MYO3B: variants seen among roughly 807,000 people sequenced by gnomAD.
The protein encoded by MYO3B is myosin-IIIb.
A neutral mutation model predicts 174.6 loss-of-function variants in MYO3B; 156 were observed. That is an observed-to-expected ratio of 0.89 (90% CI 0.78 to 1.02). The LOEUF is 1.02. MYO3B is among the 50% of genes least tolerant of loss of function. The pLI, the probability that MYO3B is intolerant of heterozygous loss-of-function variation, is 0.00. For missense variants in MYO3B, 1,632 were observed against 1,639.4 expected (o/e 1.00, Z 0.08); for synonymous variants, 563 against 569.1 (o/e 0.99, Z 0.15).
At chr2:170,329,863 T>G (rs2093899720) in intron 7 of MYO3B, among the ~76,000 whole-genome samples, 1 of 152,212 alleles carries the variant, frequency 6.6e-6, no homozygotes, top group African/African-American at 2.4e-5. Flanking sequence ...ACTATTCAAC[T>G]TTATTAATGG....
chr2:170,635,856 G>A (rs1213257305), intron 32 of MYO3B, among the ~76,000 whole-genome samples: 2 of 152,100 alleles, frequency 1.3e-5, no homozygotes, highest in African/African-American at 2.4e-5. Context: ...TGTAAACCAA[G>A]TTCGTAACCA....
intron 7 of MYO3B, among the ~76,000 whole-genome samples, chr2:170,262,366 T>C (rs1364986756): frequency 6.6e-6 from 1 of 152,110 alleles, no homozygotes; most frequent in East Asian, 1.9e-4. Context: ...TGCAGAGCCA[T>C]TGGGTGGGAC....
chr2:170,536,931 G>A (rs144925764), intron 30 of MYO3B, among the ~76,000 whole-genome samples: 3,108 of 152,168 alleles, frequency 0.02, 81 homozygotes, highest in East Asian at 0.088. Context: ...GCTGGGCGTG[G>A]TGGCTCACGC....
intron 1 of MYO3B, 25 bp from the exon 2 acceptor site, chr2:170,199,183 C>A (rs1332427554): frequency 1.1e-5 from 17 of 1,545,858 alleles, no homozygotes; most frequent in Non-Finnish European, 1.4e-5. Context: ...ATCTGTTGCA[C>A]ATAACAAATT....
At chr2:170,366,404 G>T (rs1299720886) in intron 8 of MYO3B, among the ~76,000 whole-genome samples, 1 of 151,946 alleles carries the variant, frequency 6.6e-6, no homozygotes, top group Non-Finnish European at 1.5e-5. Flanking sequence ...GGGCTCAAGT[G>T]ATCCTCCTGC....
intron 7 of MYO3B, among the ~76,000 whole-genome samples, chr2:170,259,978 A>G (rs2093333045): frequency 6.6e-6 from 1 of 152,118 alleles, no homozygotes; most frequent in South Asian, 2.1e-4. Flanking sequence ...AAAAAGCTCA[A>G]CACCACTAAT....
intron 1 of MYO3B, among the ~76,000 whole-genome samples, chr2:170,186,666 T>G (rs1472575404): frequency 6.6e-6 from 1 of 152,204 alleles, no homozygotes; most frequent in Non-Finnish European, 1.5e-5. Flanking sequence ...TCCCTCCTCC[T>G]CTATTTTTCA....
At chr2:170,234,357 A>G in intron 6 of MYO3B, among the ~76,000 whole-genome samples, 1 of 152,174 alleles carries the variant, frequency 6.6e-6, no homozygotes, top group Non-Finnish European at 1.5e-5. Context: ...GTGGGCCTTC[A>G]TACTATGTCC....
At chr2:170,453,808 C>A (rs922327181) in intron 23 of MYO3B, among the ~76,000 whole-genome samples, 1 of 152,202 alleles carries the variant, frequency 6.6e-6, no homozygotes, top group African/African-American at 2.4e-5. Context: ...TCATTCCACA[C>A]CCAGTATTGA....
chr2:170,299,186 A>G (rs2093648757), intron 7 of MYO3B, among the ~76,000 whole-genome samples: 2 of 152,192 alleles, frequency 1.3e-5, no homozygotes, highest in South Asian at 4.1e-4. Flanking sequence ...CTACTAGGAT[A>G]TGAGCTCACA....
At chr2:170,323,900 A>G (rs2105503182) in intron 7 of MYO3B, among the ~76,000 whole-genome samples, 1 of 152,344 alleles carries the variant, frequency 6.6e-6, no homozygotes, top group Non-Finnish European at 1.5e-5. Flanking sequence ...TAAAAGAGCC[A>G]GGGGGAGACC....
intron 8 of MYO3B, chr2:170,342,164 C>T (rs1230650961): frequency 6.6e-6 from 1 of 152,124 alleles, no homozygotes; most frequent in Admixed American, 6.5e-5. Flanking sequence ...TTGTGAGAAA[C>T]CAGATCTGTG....
intron 28 of MYO3B, among the ~76,000 whole-genome samples, chr2:170,508,625 C>T (rs1337937027): frequency 1.3e-5 from 2 of 152,214 alleles, no homozygotes; most frequent in African/African-American, 2.4e-5. Flanking sequence ...TCTTCAGAGC[C>T]TTCACTCAGT....
At chr2:170,499,539 CTTTA>C (rs749624797) in intron 26 of MYO3B, 103 bp from the exon 27 acceptor site, 34 of 887,872 alleles carry the variant, frequency 3.8e-5, no homozygotes, top group South Asian at 5.4e-5. Context: ...TCGCTATAAA[CTTTA>C]TTTATATCAT....
Position 170,387,233 on chromosome 2 carries a change from C to A in MYO3B, c.1502C>A (p.Thr501Lys). 1 of 1,614,102 alleles carries A rather than the reference C, an allele frequency of 6.2e-7. No homozygotes were observed. Among genetic ancestry groups the A allele is most frequent in the Non-Finnish European group, 8.5e-7 (1 of 1,179,978 alleles). The change falls in exon 14 of 35, where the codon ACA (threonine) becomes AAA (lysine). Residue 501 changes from threonine to lysine, a missense_variant. Coordinates refer to ENST00000408978, the MANE Select transcript of MYO3B (RefSeq NM_138995.5). ...GGAAAATATCTGGAAATGATGTTTACACCAACTGGAGTTGTGATGGGGGCA... is the reference window on the plus strand; with the variant it reads ...GGAAAATATCTGGAAATGATGTTTAAACCAACTGGAGTTGTGATGGGGGCA... ...RFGKYLEMMF[T>K]PTGVVMGARI...
intron 30 of MYO3B, among the ~76,000 whole-genome samples, chr2:170,528,315 T>C (rs1689129367): frequency 1.3e-5 from 2 of 152,268 alleles, no homozygotes; most frequent in African/African-American, 2.4e-5. Context: ...TAGGATGTGG[T>C]GGACTTCAGC....
intron 7 of MYO3B, among the ~76,000 whole-genome samples, chr2:170,239,204 T>C (rs2093104694): frequency 6.6e-6 from 1 of 152,248 alleles, no homozygotes; most frequent in Admixed American, 6.5e-5. Context: ...TACTGAGGAC[T>C]TCTTTAAAAT....
intron 32 of MYO3B, among the ~76,000 whole-genome samples, chr2:170,548,000 G>A (rs901120735): frequency 1.3e-5 from 2 of 150,076 alleles, no homozygotes; most frequent in East Asian, 4.0e-4. Flanking sequence ...CCAGCTACTC[G>A]GAAGACTGAG....
rs1026769602 is a variant in MYO3B, at chr2:170,436,846, T to C, written c.2651-7121T>C. 7.2e-5 allele frequency among the ~76,000 whole-genome samples: 11 copies of C among 152,312 alleles called. No individual in the cohort carries two copies. The East Asian group carries it at 1.7e-3, about 24-fold the overall frequency. The stretch of plus-strand genomic sequence containing the variant: ...CCCTATCATTTTTTCTCACCTTTCA[T>C]AGTTTTTTTGACTAGCCAGTGATCA... On this transcript the variant is annotated intron_variant, in intron 22 of 34. Transcript: ENST00000408978.
Sources: gnomAD v4.1 joint callset for allele counts (sites outside exome capture counted in the v4.1 genomes callset) on GRCh38, gnomAD v4.1.1 for gene constraint, MANE v1.5 for transcripts, NCBI Gene and HGNC (gene_info 2026-07-23, HGNC 2026-07-21) for gene names.